The following UTRN variants were observed in gnomAD, a reference collection of about 807,000 sequenced individuals.
The protein encoded by UTRN is utrophin.
A neutral mutation model predicts 463.9 loss-of-function variants in UTRN; 283 were observed. That is an observed-to-expected ratio of 0.61 (90% CI 0.55 to 0.67). UTRN has a LOEUF of 0.67. UTRN is among the 30% of genes least tolerant of loss of function. The probability of loss-of-function intolerance (pLI) is 0.00; values close to 1 mark genes in which losing one functional copy is unlikely to be tolerated. For missense variants in UTRN, 3,922 were observed against 4,084.3 expected (o/e 0.96, Z 1.08); for synonymous variants, 1,442 against 1,431.5 (o/e 1.01, Z -0.17).
intron 53 of UTRN, among the ~76,000 whole-genome samples, chr6:144,723,633 A>G (rs144248613): frequency 6.6e-6 from 1 of 152,210 alleles, no homozygotes; most frequent in Non-Finnish European, 1.5e-5. Flanking sequence ...GGGAGCAGCC[A>G]TCTTGTTATT....
At chr6:144,659,862 C>T (rs907778479) in intron 51 of UTRN, 8 of 166,200 alleles carry the variant, frequency 4.8e-5, no homozygotes, top group Admixed American at 4.7e-4. Flanking sequence ...GCTTGGGGCC[C>T]TGGAGAGAAC....
At chr6:144,607,240 A>T (rs933406984) in intron 51 of UTRN, among the ~76,000 whole-genome samples, 15 of 152,304 alleles carry the variant, frequency 9.8e-5, no homozygotes, top group African/African-American at 3.4e-4. Flanking sequence ...AACAAACTGG[A>T]TCTCTGTTGA....
chr6:144,619,841 A>G (rs1242466993), intron 51 of UTRN, among the ~76,000 whole-genome samples: 1 of 152,162 alleles, frequency 6.6e-6, no homozygotes, highest in Non-Finnish European at 1.5e-5. Context: ...TAATGTTTCT[A>G]TTGCAGTTGA....
intron 23 of UTRN, among the ~76,000 whole-genome samples, chr6:144,470,899 A>G (rs58826606): frequency 0.38 from 58,075 of 151,012 alleles, 15,296 homozygotes; most frequent in African/African-American, 0.76. Context: ...GGCGGCGCGC[A>G]CCTGCGATCC....
intron 51 of UTRN, among the ~76,000 whole-genome samples, chr6:144,628,376 T>C (rs1776161522): frequency 6.6e-6 from 1 of 152,228 alleles, no homozygotes; most frequent in African/African-American, 2.4e-5. Flanking sequence ...CTTTTATTAT[T>C]GTACTCCTGA....
At chr6:144,709,340 C>G (rs1392723181) in intron 53 of UTRN, among the ~76,000 whole-genome samples, 1 of 152,018 alleles carries the variant, frequency 6.6e-6, no homozygotes, top group African/African-American at 2.4e-5. Context: ...TTCATTTAGT[C>G]TTGTCTATTA....
chr6:144,612,369 A>C (rs1393231912), intron 51 of UTRN, among the ~76,000 whole-genome samples: 1 of 152,162 alleles, frequency 6.6e-6, no homozygotes, highest in Non-Finnish European at 1.5e-5. Flanking sequence ...ATGGGATTGA[A>C]TCAAACTAAA....
chr6:144,705,888 AT>A, intron 53 of UTRN, among the ~76,000 whole-genome samples: 1 of 151,314 alleles, frequency 6.6e-6, no homozygotes, highest in South Asian at 2.1e-4. Context: ...ATTATATAAA[AT>A]ATATATAATT....
At chr6:144,581,150 G>A (rs989096613) in intron 51 of UTRN, among the ~76,000 whole-genome samples, 1 of 152,192 alleles carries the variant, frequency 6.6e-6, no homozygotes, top group Non-Finnish European at 1.5e-5. Flanking sequence ...CTGGTATGCA[G>A]TTGTCACTGT....
intron 2 of UTRN, chr6:144,398,083 G>T: frequency 4.0e-6 from 1 of 247,992 alleles, no homozygotes; most frequent in South Asian, 6.8e-5. Context: ...GCTCTGGAAA[G>T]GAATAATCTG....
chr6:144,515,669 A>G (rs900013332), intron 37 of UTRN, among the ~76,000 whole-genome samples: 1 of 152,220 alleles, frequency 6.6e-6, no homozygotes, highest in Admixed American at 6.5e-5. Context: ...CCCAGATGGT[A>G]TTTATCTGCA....
rs369719881 is a variant in UTRN at position 144,444,294 on chromosome 6, G to T, written c.1526G>T (p.Arg509Leu). The T allele has an allele frequency of 1.9e-6, 3 of 1,610,756 alleles. No individual in the cohort carries two copies. Among genetic ancestry groups the T allele is most frequent in the East Asian group, 2.2e-5 (1 of 44,574 alleles). The change falls in exon 14 of 75, where the codon CGC becomes CTC. Residue 509 changes from arginine to leucine, a missense_variant. By Grantham distance (102) the Arg-to-Leu change is moderately radical (BLOSUM62 -2). Transcript: ENST00000367545. ...LEDQLQKLGE[R>L]WTAVCRWTEE... is the part of the protein sequence containing the mutation. Reference sequence around the variant, plus strand: ...TCCTTTTTCTAGAAACTTGGTGAGCGCTGGACAGCAGTATGCCGTTGGACT... The same window carrying T: ...TCCTTTTTCTAGAAACTTGGTGAGCTCTGGACAGCAGTATGCCGTTGGACT...
At chr6:144,616,793 G>C (rs1454748973) in intron 51 of UTRN, among the ~76,000 whole-genome samples, 1 of 152,062 alleles carries the variant, frequency 6.6e-6, no homozygotes, top group Non-Finnish European at 1.5e-5. Context: ...TTCTATGCCA[G>C]TTCCGCTCTT....
At chr6:144,415,662 G>C (rs1258215246) in intron 3 of UTRN, among the ~76,000 whole-genome samples, 1 of 152,174 alleles carries the variant, frequency 6.6e-6, no homozygotes, top group African/African-American at 2.4e-5. Flanking sequence ...TTTTTATTTG[G>C]AGTTTGGATT....
intron 40 of UTRN, 69 bp from the exon 41 acceptor site, chr6:144,522,947 C>T: frequency 8.8e-7 from 1 of 1,131,440 alleles, no homozygotes; most frequent in South Asian, 1.9e-5. Flanking sequence ...ATATAAATAT[C>T]TGGTCATCTG....
intron 51 of UTRN, among the ~76,000 whole-genome samples, chr6:144,587,754 T>C (rs1223298189): frequency 1.3e-5 from 2 of 152,132 alleles, no homozygotes; most frequent in African/African-American, 2.4e-5. Flanking sequence ...TAACATGATC[T>C]GATTGTTGAG....
intron 39 of UTRN, among the ~76,000 whole-genome samples, chr6:144,519,908 A>T (rs1795941206): frequency 6.6e-6 from 1 of 152,236 alleles, no homozygotes; most frequent in Non-Finnish European, 1.5e-5. Context: ...CCAGTCTTGC[A>T]GTAGTAGCTG....
intron 65 of UTRN, among the ~76,000 whole-genome samples, chr6:144,819,867 CT>C (rs1779409070): frequency 1.4e-5 from 2 of 144,058 alleles, no homozygotes; most frequent in African/African-American, 5.5e-5. Flanking sequence ...TCCCCTTCTC[CT>C]CCTCCGCCGC....
chr6:144,637,819 T>C (rs1777341342), intron 51 of UTRN, among the ~76,000 whole-genome samples: 1 of 152,230 alleles, frequency 6.6e-6, no homozygotes, highest in African/African-American at 2.4e-5. Context: ...CTGTGCTCAA[T>C]TATAATTGCC....
Sources: allele counts gnomAD v4.1 joint callset (sites outside exome capture counted in the v4.1 genomes callset), GRCh38; gene constraint gnomAD v4.1.1; transcripts MANE v1.5; gene names NCBI Gene and HGNC (gene_info 2026-07-23, HGNC 2026-07-21).